Variants in CDKL5 observed in about 807,000 individuals in gnomAD.
CDKL5 encodes cyclin dependent kinase like 5.
CDKL5 carries 8 observed loss-of-function variants against 61.7 expected under a neutral mutation model. That is an observed-to-expected ratio of 0.13 (90% CI 0.08 to 0.23). The LOEUF is 0.23. Ranked by LOEUF, CDKL5 falls within the 10% of genes least tolerant of loss-of-function variation. CDKL5 has a pLI of 1.00. For missense variants in CDKL5, 440 were observed against 734.5 expected (o/e 0.60, Z 4.63); for synonymous variants, 275 against 272.3 (o/e 1.01, Z -0.10).
chrX:18,426,014 G>T (rs1251919028), intron 1 of CDKL5, among the ~76,000 whole-genome samples: 12 of 111,211 alleles, frequency 1.1e-4, no homozygotes, highest in Admixed American at 8.4e-4. Flanking sequence ...TCCCCTCAGC[G>T]GCGGGTCTGC....
intron 5 of CDKL5, among the ~76,000 whole-genome samples, 179 bp from the exon 6 acceptor site, chrX:18,579,661 ATTCCTCAT>A (rs1243578936): frequency 7.2e-5 from 8 of 111,295 alleles, no homozygotes; most frequent in Admixed American, 1.9e-4. Context: ...TAAAAATGGA[ATTCCTCAT>A]AAAAGAAAGC....
At chrX:18,577,150 C>G (rs1925326466) in intron 5 of CDKL5, among the ~76,000 whole-genome samples, 3 of 111,513 alleles carry the variant, frequency 2.7e-5, no homozygotes, top group Admixed American at 9.5e-5. Context: ...TTAGTTTATC[C>G]TTTTTATTTT....
intron 10 of CDKL5, among the ~76,000 whole-genome samples, chrX:18,595,878 A>G (rs966003838): frequency 9.0e-5 from 10 of 111,528 alleles, no homozygotes; most frequent in African/African-American, 3.3e-4. Flanking sequence ...TTCTGGCTCT[A>G]CTTTAGACGT....
Position 18,609,507 on chromosome X carries a change from C to G in CDKL5, c.2089C>G (p.Pro697Ala), listed in dbSNP as rs1238530084. 8.3e-7 allele frequency: 1 copy of G among 1,211,727 alleles called. No homozygotes were observed. Among genetic ancestry groups the G allele is most frequent in the Admixed American group, 2.2e-5 (1 of 46,070 alleles). The change falls in exon 14 of 18, where the codon CCC becomes GCC. Residue 697 changes from proline to alanine, a missense_variant. Pro to Ala is a conservative substitution (Grantham distance 27). Transcript: ENST00000623535. ...CCCACACTCTGATGATGGCACAGCC[C>G]CCAAAGAAAATAGACACCTATACAA... ...HDPHSDDGTA[P>A]KENRHLYNDP...
intron 2 of CDKL5, among the ~76,000 whole-genome samples, chrX:18,509,069 T>A (rs1310136349): frequency 2.0e-5 from 2 of 102,444 alleles, no homozygotes; most frequent in African/African-American, 3.6e-5. Context: ...TCCAGCCTGA[T>A]GAGAGAGCGA....
At chrX:18,576,833 TAAAA>T (rs1045562214) in intron 5 of CDKL5, among the ~76,000 whole-genome samples, 1 of 107,070 alleles carries the variant, frequency 9.3e-6, no homozygotes, top group African/African-American at 3.4e-5. Context: ...AAAGTTCTAT[TAAAA>T]AAAAAGGATT....
chrX:18,556,986 T>C (rs1924627770), intron 3 of CDKL5, among the ~76,000 whole-genome samples: 1 of 111,526 alleles, frequency 9.0e-6, no homozygotes, highest in Non-Finnish European at 1.9e-5. Context: ...GTTTTACTTA[T>C]GCTCAGGGAG....
In CDKL5 at chrX:18,452,859, C is replaced by T. The variant is rs923340488; in HGVS notation, c.-163+27164C>T. On this transcript the variant is annotated intron_variant, in intron 1 of 17. Transcript: ENST00000623535. ...TTTTTTTTTTTTTTTGAGACTGTGT[C>T]TCGCTCTGTCACCCAGGCTGGAGGG... 1.9e-3 allele frequency among the ~76,000 whole-genome samples: 111 copies of T among 57,741 alleles called. 1 individual carries two copies. Among genetic ancestry groups the T allele is most frequent in the Non-Finnish European group, 2.2e-3 (78 of 35,227 alleles). The allele number at this position is 57,741 out of a possible 115,157, so 50.1% of individuals were successfully genotyped here.
chrX:18,583,077 A>G (rs774826737), intron 7 of CDKL5, among the ~76,000 whole-genome samples: 1 of 112,232 alleles, frequency 8.9e-6, no homozygotes, highest in African/African-American at 3.2e-5. Context: ...TATGATTTTC[A>G]GGAACAACAT....
chrX:18,575,508 A>G lies in CDKL5; in HGVS notation c.282+18A>G, dbSNP rs1359694118. 3.4e-6 allele frequency: 4 copies of G among 1,193,068 alleles called. No homozygotes were observed. The highest frequency in any genetic ancestry group is 4.5e-6 in the Non-Finnish European group (4 of 880,013). On this transcript the variant is annotated intron_variant, in intron 5 of 17. Coordinates refer to ENST00000623535, the MANE Select transcript of CDKL5 (RefSeq NM_001323289.2). Reference sequence around the variant, plus strand: ...TTGAAAAAGTAAGTCATTAATTGCCAATGTGCACATTTGCCCGATTCTTTT... The same window carrying G: ...TTGAAAAAGTAAGTCATTAATTGCCGATGTGCACATTTGCCCGATTCTTTT...
At chrX:18,547,068 A>T (rs1182416404) in intron 3 of CDKL5, among the ~76,000 whole-genome samples, 1 of 112,011 alleles carries the variant, frequency 8.9e-6, no homozygotes. Flanking sequence ...TTTCCTTGTT[A>T]TATGTCTCTT....
chrX:18,514,237 A>G (rs903802927), intron 3 of CDKL5, among the ~76,000 whole-genome samples: 3 of 111,616 alleles, frequency 2.7e-5, no homozygotes, highest in African/African-American at 9.7e-5. Context: ...ATGCTGCTCA[A>G]TTTCAAAGGA....
intron 10 of CDKL5, among the ~76,000 whole-genome samples, chrX:18,595,843 C>T (rs757792160): frequency 4.8e-4 from 54 of 111,890 alleles, no homozygotes; most frequent in Non-Finnish European, 9.0e-4. Context: ...CTTTTTCTAA[C>T]TTGGTCTCTT....
chrX:18,577,348 CG>C (rs1925331615), intron 5 of CDKL5, among the ~76,000 whole-genome samples: 1 of 111,334 alleles, frequency 9.0e-6, no homozygotes, highest in East Asian at 2.8e-4. Context: ...ATTCTTCCCC[CG>C]ATCCTGTGGT....
intron 1 of CDKL5, among the ~76,000 whole-genome samples, chrX:18,451,480 C>T (rs1932016168): frequency 8.9e-6 from 1 of 112,299 alleles, no homozygotes; most frequent in Non-Finnish European, 1.9e-5. Context: ...CGTGAGCCAC[C>T]ACACCCAGCC....
At chrX:18,595,725 CAAATCTTA>C (rs1009522148) in intron 10 of CDKL5, among the ~76,000 whole-genome samples, 25 of 112,286 alleles carry the variant, frequency 2.2e-4, no homozygotes, top group African/African-American at 8.1e-4. Flanking sequence ...GGTTTTAAAA[CAAATCTTA>C]AAATCAATGT....
chrX:18,583,627 T>G (rs1243953895), intron 7 of CDKL5, among the ~76,000 whole-genome samples: 2 of 111,834 alleles, frequency 1.8e-5, no homozygotes, highest in Non-Finnish European at 3.8e-5. Flanking sequence ...GATTAACTTA[T>G]CCTCCTGCCT....
chrX:18,531,953 G>A (rs1218672866), intron 3 of CDKL5, among the ~76,000 whole-genome samples: 1 of 109,860 alleles, frequency 9.1e-6, no homozygotes, highest in East Asian at 2.9e-4. Flanking sequence ...TGATCCACCC[G>A]CCTCGGCCTC....
At chrX:18,449,232 G>GTGCT (rs1931952281) in intron 1 of CDKL5, among the ~76,000 whole-genome samples, 1 of 112,223 alleles carries the variant, frequency 8.9e-6, no homozygotes, top group South Asian at 3.6e-4. Flanking sequence ...ACTGATCTAT[G>GTGCT]TGCTGAGAGC....
Sources: gnomAD v4.1 joint callset for allele counts (sites outside exome capture counted in the v4.1 genomes callset) on GRCh38, gnomAD v4.1.1 for gene constraint, MANE v1.5 for transcripts, NCBI Gene and HGNC (gene_info 2026-07-23, HGNC 2026-07-21) for gene names.